The following RGSL1 variants were observed in gnomAD, a reference collection of about 807,000 sequenced individuals.
RGSL1 encodes the protein regulator of G protein signaling protein-like.
In RGSL1, 97 loss-of-function variants were observed where a neutral mutation model predicts 124.7. The ratio of observed to expected loss-of-function variants is 0.78; its 90% CI spans 0.66 to 0.92. RGSL1 has a LOEUF of 0.92. Ranked by LOEUF, RGSL1 falls within the 40% of genes least tolerant of loss-of-function variation. The pLI, the probability that RGSL1 is intolerant of heterozygous loss-of-function variation, is 0.00. For missense variants in RGSL1, 1,233 were observed against 1,288.4 expected (o/e 0.96, Z 0.66); for synonymous variants, 424 against 438.1 (o/e 0.97, Z 0.40).
chr1:182,545,532 T>C (rs894205040), intron 15 of RGSL1, among the ~76,000 whole-genome samples: 1 of 152,178 alleles, frequency 6.6e-6, no homozygotes, highest in African/African-American at 2.4e-5. Context: ...TTCTTGCGTG[T>C]TAGTGTCATT....
intron 4 of RGSL1, chr1:182,460,789 A>G (rs1047443068): frequency 2.2e-5 from 10 of 448,608 alleles, no homozygotes; most frequent in South Asian, 4.7e-5. Flanking sequence ...GTCTATTGAA[A>G]CTTGCAATGT....
chr1:182,488,219 T>G, intron 6 of RGSL1, 66 bp from the exon 7 acceptor site: 1 of 1,443,280 alleles, frequency 6.9e-7, no homozygotes, highest in South Asian at 1.2e-5. Context: ...CAGGTGAACA[T>G]ATGCAGGAAA....
intron 2 of RGSL1, among the ~76,000 whole-genome samples, chr1:182,457,402 T>G (rs562739884): frequency 6.6e-6 from 1 of 152,288 alleles, no homozygotes; most frequent in East Asian, 1.9e-4. Context: ...TGTGTTGTGT[T>G]ACACACTGAG....
intron 4 of RGSL1, chr1:182,471,393 T>A: frequency 2.2e-6 from 1 of 457,356 alleles, no homozygotes; most frequent in Non-Finnish European, 4.4e-6. Flanking sequence ...GCAGGTGGGT[T>A]CTTGGGGTTG....
chr1:182,531,499 T>C (rs1392198573), intron 13 of RGSL1, among the ~76,000 whole-genome samples: 1 of 152,210 alleles, frequency 6.6e-6, no homozygotes, highest in Non-Finnish European at 1.5e-5. Flanking sequence ...TCACTTGTTT[T>C]AGAGTTGGTC....
At chr1:182,519,675 C>G (rs894384991) in intron 9 of RGSL1, among the ~76,000 whole-genome samples, 11 of 151,996 alleles carry the variant, frequency 7.2e-5, no homozygotes, top group African/African-American at 2.7e-4. Context: ...TCCATTCTAT[C>G]TATTCTGATA....
intron 18 of RGSL1, among the ~76,000 whole-genome samples, chr1:182,552,459 G>A (rs1202628763): frequency 6.6e-6 from 1 of 152,168 alleles, no homozygotes; most frequent in Non-Finnish European, 1.5e-5. Flanking sequence ...CAGAGCAGTG[G>A]CTGGTGAGGA....
At chr1:182,559,750 T>C (rs73061305) in intron 21 of RGSL1, among the ~76,000 whole-genome samples, 1,868 of 152,320 alleles carry the variant, frequency 0.012, 31 homozygotes, top group African/African-American at 0.043. Flanking sequence ...CTCCAGCAAC[T>C]TGGTGATTGC....
At chr1:182,552,953 G>A (rs1396679639) in intron 18 of RGSL1, among the ~76,000 whole-genome samples, 4 of 152,160 alleles carry the variant, frequency 2.6e-5, no homozygotes, top group Non-Finnish European at 5.9e-5. Flanking sequence ...GGCTGGCAAT[G>A]GAGTGCAATG....
chr1:182,486,075 C>T (rs1310163374), intron 6 of RGSL1, among the ~76,000 whole-genome samples: 2 of 151,978 alleles, frequency 1.3e-5, no homozygotes, highest in Non-Finnish European at 2.9e-5. Flanking sequence ...GAGAAGGGGC[C>T]GGGAGGGTTT....
chr1:182,484,609 G>A (rs1654956653), intron 6 of RGSL1, among the ~76,000 whole-genome samples: 1 of 152,214 alleles, frequency 6.6e-6, no homozygotes, highest in Non-Finnish European at 1.5e-5. Flanking sequence ...GAAATATGGG[G>A]CAGCTCCAAC....
At chr1:182,491,751 A>T (rs75816937) in intron 8 of RGSL1, among the ~76,000 whole-genome samples, 3,018 of 152,248 alleles carry the variant, frequency 0.02, 101 homozygotes, top group African/African-American at 0.069. Flanking sequence ...ATAGACTCAA[A>T]TAGTATAGCT....
chr1:182,460,986 T>G (rs1403129381), intron 4 of RGSL1, among the ~76,000 whole-genome samples: 1 of 152,144 alleles, frequency 6.6e-6, no homozygotes, highest in East Asian at 1.9e-4. Flanking sequence ...GGATCTGTGC[T>G]CCGATTGCTA....
intron 11 of RGSL1, among the ~76,000 whole-genome samples, chr1:182,528,584 C>T (rs1222150352): frequency 6.6e-6 from 1 of 152,284 alleles, no homozygotes; most frequent in East Asian, 1.9e-4. Flanking sequence ...AAGAAAGGAG[C>T]TCAATTCCCA....
At chr1:182,486,741 T>C (rs1004343631) in intron 6 of RGSL1, among the ~76,000 whole-genome samples, 1 of 152,220 alleles carries the variant, frequency 6.6e-6, no homozygotes, top group Non-Finnish European at 1.5e-5. Context: ...AATGGTGTGA[T>C]CTTAGCTCAC....
At chr1:182,478,721 G>A (rs556916227) in intron 6 of RGSL1, among the ~76,000 whole-genome samples, 48 of 152,240 alleles carry the variant, frequency 3.2e-4, no homozygotes, top group Admixed American at 1.6e-3. Flanking sequence ...GAGAGAAATG[G>A]ATACCTAGAT....
chr1:182,515,813 G>A (rs1233378645), intron 9 of RGSL1, among the ~76,000 whole-genome samples: 2 of 152,172 alleles, frequency 1.3e-5, no homozygotes, highest in Admixed American at 6.5e-5. Context: ...AGGTGCCCTA[G>A]CCAGAAGGGG....
chr1:182,517,630 C>G (rs187990552), intron 9 of RGSL1, among the ~76,000 whole-genome samples: 1 of 152,042 alleles, frequency 6.6e-6, no homozygotes, highest in African/African-American at 2.4e-5. Context: ...CTCACTGGTT[C>G]TTTCCTCTCC....
chr1:182,547,871 T>A (rs891634621), intron 15 of RGSL1, among the ~76,000 whole-genome samples: 4 of 151,190 alleles, frequency 2.6e-5, no homozygotes, highest in Non-Finnish European at 5.9e-5. Flanking sequence ...AAAAAAAAAA[T>A]GTTCTACTGG....
Sources: allele counts gnomAD v4.1 joint callset (sites outside exome capture counted in the v4.1 genomes callset), GRCh38; gene constraint gnomAD v4.1.1; transcripts MANE v1.5; gene names NCBI Gene and HGNC (gene_info 2026-07-23, HGNC 2026-07-21).